OR4A16: variants seen among roughly 807,000 people sequenced by gnomAD.
The protein encoded by OR4A16 is olfactory receptor family 4 subfamily A member 16.
For synonymous variants in OR4A16, 210 were observed against 138.6 expected (o/e 1.51, Z -3.62); for missense variants, 594 against 390.9 (o/e 1.52, Z -4.38).
Position 55,343,683 on chromosome 11 carries a change from G to A in OR4A16, c.483G>A (p.Leu161=). The change falls in exon 1 of 1, where the codon CTG becomes CTA. Residue 161 remains leucine (L), a synonymous_variant. Coordinates refer to ENST00000314721, the MANE Select transcript of OR4A16 (RefSeq NM_001005274.1). ...FVHSVVQIVF[L]YSLPICGPNV... is the part of the protein sequence containing the mutation. ...ACTCTGTGGTTCAAATTGTCTTTCT[G>A]TACAGTCTACCAATCTGTGGCCCCA... 6.2e-7 allele frequency: 1 copy of A among 1,613,868 alleles called. No homozygotes were observed. The highest frequency in any genetic ancestry group is 8.5e-7 in the Non-Finnish European group (1 of 1,179,878).
rs373084312 is a variant in OR4A16, at chr11:55,343,730, G to C, written c.530G>C (p.Cys177Ser). 6.2e-7 allele frequency: 1 copy of C among 1,613,824 alleles called. No homozygotes were observed. Among genetic ancestry groups the C allele is most frequent in the Non-Finnish European group, 8.5e-7 (1 of 1,179,854 alleles). Reference sequence around the variant, plus strand: ...CCCAATGTTATTGACCACTCTGTCTGTGACATGTACCCATTGTTGGAACTG... The same window carrying C: ...CCCAATGTTATTGACCACTCTGTCTCTGACATGTACCCATTGTTGGAACTG... ...CGPNVIDHSV[C>S]DMYPLLELLC... The change falls in exon 1 of 1, where the codon TGT (cysteine) becomes TCT (serine). Residue 177 changes from cysteine (C) to serine (S), a missense_variant. Transcript: ENST00000314721.
Position 55,344,144 on chromosome 11 carries a change from T to A in OR4A16, c.944T>A (p.Leu315Gln), listed in dbSNP as rs779842285. 2 of 1,600,148 alleles carry A rather than the reference T, an allele frequency of 1.2e-6. No individual in the cohort carries two copies. The highest frequency in any genetic ancestry group is 1.1e-5 in the South Asian group (1 of 90,278). The change falls in exon 1 of 1, where the codon CTG becomes CAG. Residue 315 changes from leucine to glutamine, a missense_variant. Leu to Gln is a moderately radical substitution (Grantham distance 113). Coordinates refer to ENST00000314721, the MANE Select transcript of OR4A16 (RefSeq NM_001005274.1). ...GTTAGAAAAAGAGTATCTCCCACAC[T>A]GAACATATTTATTCCTAGTTCTAAG... ...SIVRKRVSPT[L>Q]NIFIPSSKAT...
chr11:55,343,896 T>A lies in OR4A16; in HGVS notation c.696T>A (p.His232Gln), dbSNP rs776507750. The stretch of plus-strand genomic sequence containing the variant: ...AAACTTACAGTCAGGAAGAGAGGCA[T>A]AAAGCCCTGCCTACCTGCATCTCCC... ...FLKTYSQEER[H>Q]KALPTCISHI... Residue 232 changes from histidine to glutamine, a missense_variant, in exon 1 of 1, where the codon CAT (histidine) becomes CAA (glutamine). Physicochemically the swap from His to Gln is conservative, Grantham distance 24 (BLOSUM62 0). Transcript: ENST00000314721. The A allele has an allele frequency of 6.2e-7, 1 of 1,613,800 alleles. No individual in the cohort carries two copies. The highest frequency in any genetic ancestry group is 1.1e-5 in the South Asian group (1 of 91,074).
rs755822753 is a variant in OR4A16, at chr11:55,343,420, G to A, written c.220G>A (p.Ala74Thr). Residue 74 changes from alanine (A) to threonine (T), a missense_variant, in exon 1 of 1, where the codon GCC becomes ACC. Physicochemically the swap from Ala to Thr is moderately conservative, Grantham distance 58. Transcript: ENST00000314721. ...LSLMDAIYST[A>T]MSPKLMIDLL... ...ACTTATGGATGCCATATATTCCACT[G>A]CCATGTCACCCAAATTGATGATAGA... 6.2e-7 allele frequency: 1 copy of A among 1,613,810 alleles called. No homozygotes were observed. The highest frequency in any genetic ancestry group is 2.2e-5 in the East Asian group (1 of 44,830).
Position 55,343,266 on chromosome 11 carries a change from A to G in OR4A16, c.66A>G (p.Lys22=), listed in dbSNP as rs757216411. 240 of 1,613,152 alleles carry G rather than the reference A, an allele frequency of 1.5e-4. 2 individuals are homozygous for G. The East Asian group carries it at 4.1e-3, about 28-fold the overall frequency. ...GCCTCACTCAAGATCCTGATGTGAAAAAAACATTATTTGTCATGTTTTTAC... is the reference window on the plus strand; with the variant it reads ...GCCTCACTCAAGATCCTGATGTGAAGAAAACATTATTTGTCATGTTTTTAC... ...LLGLTQDPDV[K]KTLFVMFLLI... is the part of the protein sequence containing the mutation. The change falls in exon 1 of 1, where the codon AAA becomes AAG. Residue 22 remains lysine, a synonymous_variant. Coordinates refer to ENST00000314721, the MANE Select transcript of OR4A16 (RefSeq NM_001005274.1).
rs866883105 is a variant in OR4A16 at position 55,343,621 on chromosome 11, C to A, written c.421C>A (p.Leu141Ile). The part of the protein sequence containing the change: ...LNIMNRLVCI[L>I]LLVVAMIGGF... ...CATCATGAATCGACTGGTTTGCATCCTTCTGTTGGTGGTGGCCATGATTGG... is the reference window on the plus strand; with the variant it reads ...CATCATGAATCGACTGGTTTGCATCATTCTGTTGGTGGTGGCCATGATTGG... Residue 141 changes from leucine to isoleucine, a missense_variant, in exon 1 of 1, where the codon CTT (leucine) becomes ATT (isoleucine). By Grantham distance (5) the Leu-to-Ile change is conservative. Coordinates refer to ENST00000314721, the MANE Select transcript of OR4A16 (RefSeq NM_001005274.1). 1.2e-6 allele frequency: 2 copies of A among 1,613,778 alleles called. No individual in the cohort carries two copies. The highest frequency in any genetic ancestry group is 2.7e-5 in the African/African-American group (2 of 74,878).
chr11:55,343,780 G>A lies in OR4A16; in HGVS notation c.580G>A (p.Gly194Arg), dbSNP rs1196258157. The change falls in exon 1 of 1, where the codon GGA becomes AGA. Residue 194 changes from glycine (G) to arginine (R), a missense_variant. Coordinates refer to ENST00000314721, the MANE Select transcript of OR4A16 (RefSeq NM_001005274.1). ...ELLCLDTYFI[G>R]LTVVANGGII... ...GTTGTGCCTTGACACCTACTTTATA[G>A]GACTCACTGTGGTTGCCAATGGTGG... The A allele has an allele frequency of 7.4e-6, 12 of 1,613,740 alleles. No individual in the cohort carries two copies. The South Asian group carries it at 9.9e-5, about 13-fold the overall frequency.
At position 55,343,249 on chromosome 11, in the gene OR4A16, C is replaced by T; in HGVS notation, c.49C>T (p.Gln17Ter). The change falls in exon 1 of 1, where the codon CAA (glutamine) becomes TAA (stop). Residue 17 changes from glutamine to a stop codon, truncating the protein, a stop_gained. Coordinates refer to ENST00000314721, the MANE Select transcript of OR4A16 (RefSeq NM_001005274.1). LOFTEE classifies it low-confidence loss of function (END_TRUNC). ...AGAATTTGTCCTCCTGGGCCTCACT[C>T]AAGATCCTGATGTGAAAAAAACATT... ...VTEFVLLGLT[Q>*]DPDVKKTLFV... 6.2e-7 allele frequency: 1 copy of T among 1,611,822 alleles called. No individual in the cohort carries two copies. The highest frequency in any genetic ancestry group is 1.1e-5 in the South Asian group (1 of 90,982).
rs1853450066 is a variant in OR4A16 at position 55,343,312 on chromosome 11, G to C, written c.112G>C (p.Val38Leu). Residue 38 changes from valine to leucine, a missense_variant, in exon 1 of 1, where the codon GTG becomes CTG. Val to Leu is a conservative substitution (Grantham distance 32). Coordinates refer to ENST00000314721, the MANE Select transcript of OR4A16 (RefSeq NM_001005274.1). ...TTTACTCATATACATTGTGACAATG[G>C]TGGGAAACCTCCTCATTTGGGTGAC... is the stretch of plus-strand genomic sequence containing the variant. ...MFLLIYIVTM[V>L]GNLLIWVTTI... is the part of the protein sequence containing the mutation. 6.2e-7 allele frequency: 1 copy of C among 1,613,684 alleles called. No homozygotes were observed. Among genetic ancestry groups the C allele is most frequent in the Non-Finnish European group, 8.5e-7 (1 of 1,179,836 alleles).
Position 55,343,384 on chromosome 11 carries a change from G to T in OR4A16, c.184G>T (p.Ala62Ser). Residue 62 changes from alanine (A) to serine (S), a missense_variant, in exon 1 of 1, where the codon GCC becomes TCC. Physicochemically the swap from Ala to Ser is moderately conservative, Grantham distance 99. Coordinates refer to ENST00000314721, the MANE Select transcript of OR4A16 (RefSeq NM_001005274.1). The part of the protein sequence containing the change: ...SLGSLMYFFL[A>S]YLSLMDAIYS... ...GGGCTCCCTAATGTACTTCTTCCTT[G>T]CCTACTTGTCACTTATGGATGCCAT... 6.2e-7 allele frequency: 1 copy of T among 1,613,776 alleles called. No individual in the cohort carries two copies. Among genetic ancestry groups the T allele is most frequent in the South Asian group, 1.1e-5 (1 of 91,072 alleles).
In OR4A16 at chr11:55,344,144, T is replaced by C. The variant is rs779842285; in HGVS notation, c.944T>C (p.Leu315Pro). 74 of 1,600,148 alleles carry C rather than the reference T, an allele frequency of 4.6e-5. No individual in the cohort carries two copies. The highest frequency in any genetic ancestry group is 3.6e-5 in the Non-Finnish European group (42 of 1,177,846). ...GTTAGAAAAAGAGTATCTCCCACAC[T>C]GAACATATTTATTCCTAGTTCTAAG... is the stretch of plus-strand genomic sequence containing the variant. Reference protein sequence around the residue: ...SIVRKRVSPTLNIFIPSSKAT... With the variant: ...SIVRKRVSPTPNIFIPSSKAT... Residue 315 changes from leucine (L) to proline (P), a missense_variant, in exon 1 of 1, where the codon CTG becomes CCG. Physicochemically the swap from Leu to Pro is moderately conservative, Grantham distance 98. Coordinates refer to ENST00000314721, the MANE Select transcript of OR4A16 (RefSeq NM_001005274.1).
In OR4A16 at chr11:55,343,246, A is replaced by T; in HGVS notation, c.46A>T (p.Thr16Ser). The T allele has an allele frequency of 6.2e-7, 1 of 1,611,508 alleles. No individual in the cohort carries two copies. The highest frequency in any genetic ancestry group is 1.3e-5 in the African/African-American group (1 of 74,962). The change falls in exon 1 of 1, where the codon ACT becomes TCT. Residue 16 changes from threonine (T) to serine (S), a missense_variant. Thr to Ser is a moderately conservative substitution (Grantham distance 58). Transcript: ENST00000314721. ...NVTEFVLLGL[T>S]QDPDVKKTLF... ...TACAGAATTTGTCCTCCTGGGCCTC[A>T]CTCAAGATCCTGATGTGAAAAAAAC...
chr11:55,343,786 A>G lies in OR4A16; in HGVS notation c.586A>G (p.Thr196Ala). ...CCTTGACACCTACTTTATAGGACTC[A>G]CTGTGGTTGCCAATGGTGGAATAAT... ...LCLDTYFIGLTVVANGGIICM... is the reference protein window; with the variant it reads ...LCLDTYFIGLAVVANGGIICM... The change falls in exon 1 of 1, where the codon ACT becomes GCT. Residue 196 changes from threonine (T) to alanine (A), a missense_variant. Thr to Ala is a moderately conservative substitution (Grantham distance 58). Transcript: ENST00000314721. The G allele has an allele frequency of 1.2e-6, 2 of 1,613,834 alleles. No individual in the cohort carries two copies. Among genetic ancestry groups the G allele is most frequent in the Non-Finnish European group, 1.7e-6 (2 of 1,179,876 alleles).
rs771568660 is a variant in OR4A16, at chr11:55,344,040, G to C, written c.840G>C (p.Leu280Phe). ...TVFYSIITLM[L>F]NPLIYSLRQS... Reference sequence around the variant, plus strand: ...TTTATTCAATTATCACACTCATGTTGAATCCTTTAATATACTCGTTGAGAC... The same window carrying C: ...TTTATTCAATTATCACACTCATGTTCAATCCTTTAATATACTCGTTGAGAC... The change falls in exon 1 of 1, where the codon TTG becomes TTC. Residue 280 changes from leucine to phenylalanine, a missense_variant. Transcript: ENST00000314721. 3 of 1,612,630 alleles carry C rather than the reference G, an allele frequency of 1.9e-6. No homozygotes were observed. The highest frequency in any genetic ancestry group is 2.7e-5 in the African/African-American group (2 of 74,808).
At position 55,343,225 on chromosome 11, in the gene OR4A16, G is replaced by T. The variant is rs763563165; in HGVS notation, c.25G>T (p.Glu9Ter). The stretch of plus-strand genomic sequence containing the variant: ...AATGAGACCAAGCAGCAATGTTACA[G>T]AATTTGTCCTCCTGGGCCTCACTCA... MRPSSNVT[E>*]FVLLGLTQDP... Residue 9 changes from glutamate to a stop codon, truncating the protein, a stop_gained, in exon 1 of 1, where the codon GAA (glutamate) becomes TAA (stop). Transcript: ENST00000314721. LOFTEE classifies it low-confidence loss of function (END_TRUNC). The T allele has an allele frequency of 1.2e-6, 2 of 1,606,636 alleles. No homozygotes were observed. The highest frequency in any genetic ancestry group is 2.7e-5 in the African/African-American group (2 of 74,804).
Position 55,343,579 on chromosome 11 carries a change from C to G in OR4A16, c.379C>G (p.Pro127Ala), listed in dbSNP as rs769408640. Residue 127 changes from proline (P) to alanine (A), a missense_variant, in exon 1 of 1, where the codon CCG becomes GCG. Coordinates refer to ENST00000314721, the MANE Select transcript of OR4A16 (RefSeq NM_001005274.1). ...TGATCGCTATGTGGCTATCTCTAAG[C>G]CGCTGCACTATTTGAACATCATGAA... The part of the protein sequence containing the change: ...AYDRYVAISK[P>A]LHYLNIMNRL... 1 of 1,613,944 alleles carries G rather than the reference C, an allele frequency of 6.2e-7. No homozygotes were observed. Among genetic ancestry groups the G allele is most frequent in the African/African-American group, 1.3e-5 (1 of 75,026 alleles).
At position 55,343,581 on chromosome 11, in the gene OR4A16, G is replaced by A. The variant is rs76791457; in HGVS notation, c.381G>A (p.Pro127=). The A allele has an allele frequency of 0.014, 22,104 of 1,528,032 alleles. 1 individual carries two copies. Among genetic ancestry groups the A allele is most frequent in the African/African-American group, 0.035 (2,548 of 72,200 alleles). The allele number at this position is 1,528,032 out of a possible 1,614,324, so 94.7% of individuals were successfully genotyped here. The change falls in exon 1 of 1, where the codon CCG becomes CCA. Residue 127 remains proline, a synonymous_variant. Transcript: ENST00000314721. ...AYDRYVAISK[P]LHYLNIMNRL... is the part of the protein sequence containing the mutation. ...ATCGCTATGTGGCTATCTCTAAGCCGCTGCACTATTTGAACATCATGAATC... is the reference window on the plus strand; with the variant it reads ...ATCGCTATGTGGCTATCTCTAAGCCACTGCACTATTTGAACATCATGAATC...
In OR4A16 at chr11:55,343,978, G is replaced by A. The variant is rs755901185; in HGVS notation, c.778G>A (p.Val260Ile). The A allele has an allele frequency of 2.7e-5, 43 of 1,613,444 alleles. No homozygotes were observed. Among genetic ancestry groups the A allele is most frequent in the Admixed American group, 2.3e-4 (14 of 59,936 alleles). The change falls in exon 1 of 1, where the codon GTT (valine) becomes ATT (isoleucine). Residue 260 changes from valine to isoleucine, a missense_variant. Physicochemically the swap from Val to Ile is conservative, Grantham distance 29. Transcript: ENST00000314721. ...CTGTATTTTTATGTATGTTAGACCC[G>A]TTTCCAACTTTCCCTTTGATAAATT... ...VPCIFMYVRPVSNFPFDKLMT... is the reference protein window; with the variant it reads ...VPCIFMYVRPISNFPFDKLMT...
Position 55,343,478 on chromosome 11 carries a change from C to G in OR4A16, c.278C>G (p.Ser93Ter), listed in dbSNP as rs1196533688. 6.2e-7 allele frequency: 1 copy of G among 1,613,806 alleles called. No homozygotes were observed. Among genetic ancestry groups the G allele is most frequent in the Non-Finnish European group, 8.5e-7 (1 of 1,179,910 alleles). Residue 93 changes from serine (S) to a stop codon, truncating the protein, a stop_gained, in exon 1 of 1, where the codon TCA becomes TGA. Transcript: ENST00000314721. LOFTEE classifies it low-confidence loss of function (END_TRUNC). The part of the protein sequence containing the change: ...LLCDKIAISL[S>*]ACMGQLFIEH... Reference sequence around the variant, plus strand: ...TGTGATAAAATCGCTATTTCCTTGTCAGCTTGCATGGGTCAGCTCTTCATA... The same window carrying G: ...TGTGATAAAATCGCTATTTCCTTGTGAGCTTGCATGGGTCAGCTCTTCATA...
Sources: gnomAD v4.1 joint callset for allele counts on GRCh38, gnomAD v4.1.1 for gene constraint, MANE v1.5 for transcripts, NCBI Gene and HGNC (gene_info 2026-07-23, HGNC 2026-07-21) for gene names.